TNS1: variants seen among roughly 807,000 people sequenced by gnomAD.
TNS1 encodes the protein tensin 1, also known as tensin-1.
In TNS1, 62 loss-of-function variants were observed where a neutral mutation model predicts 168.6. That is an observed-to-expected ratio of 0.37 (90% CI 0.30 to 0.45). The LOEUF (loss-of-function observed/expected upper bound fraction) is 0.45. TNS1 is among the 20% of genes least tolerant of loss of function. TNS1 has a pLI of 1.00. For synonymous variants in TNS1, 934 were observed against 933.2 expected, an observed-to-expected ratio of 1.00 and a Z score of -0.02; for missense variants, 2,240 against 2,339.4, an observed-to-expected ratio of 0.96 and a Z score of 0.88.
upstream of TNS1, among the ~76,000 whole-genome samples, chr2:218,004,389 G>C (rs369789534): frequency 6.6e-6 from 1 of 152,050 alleles, no homozygotes; most frequent in African/African-American, 2.4e-5. Context: ...CTCACCCAAG[G>C]CCATGCCATG....
intron 18 of TNS1, among the ~76,000 whole-genome samples, chr2:217,857,419 G>A (rs1188825040): frequency 2.0e-5 from 3 of 152,190 alleles, no homozygotes; most frequent in African/African-American, 7.2e-5. Flanking sequence ...CTGCTTCAAG[G>A]TGAAGATGGC....
chr2:217,845,468 T>G (rs1228656183), intron 19 of TNS1, among the ~76,000 whole-genome samples: 2 of 152,218 alleles, frequency 1.3e-5, no homozygotes, highest in Non-Finnish European at 2.9e-5. Flanking sequence ...CAGGACCTGC[T>G]GACATAAATT....
intron 1 of TNS1, among the ~76,000 whole-genome samples, chr2:218,028,686 G>A (rs1958868989): frequency 6.6e-6 from 1 of 152,218 alleles, no homozygotes; most frequent in Non-Finnish European, 1.5e-5. Context: ...TATCCTTGGG[G>A]TAGATTTGCA....
At chr2:217,879,421 C>A in intron 18 of TNS1, 1 of 454,090 alleles carries the variant, frequency 2.2e-6, no homozygotes, top group Non-Finnish European at 4.4e-6. Context: ...GGCCGCTCAG[C>A]GCCCGGGGAT....
At chr2:217,909,938 A>G (rs978667375) in intron 4 of TNS1, among the ~76,000 whole-genome samples, 1 of 152,214 alleles carries the variant, frequency 6.6e-6, no homozygotes, top group South Asian at 2.1e-4. Flanking sequence ...TAAAGCACAT[A>G]AAGCACTTAG....
At chr2:217,875,019 T>C (rs1401944610) in intron 18 of TNS1, among the ~76,000 whole-genome samples, 2 of 152,188 alleles carry the variant, frequency 1.3e-5, no homozygotes, top group African/African-American at 4.8e-5. Flanking sequence ...CCTTTGAAGC[T>C]AGGCATGGGT....
intron 3 of TNS1, among the ~76,000 whole-genome samples, chr2:217,930,943 C>T (rs943015732): frequency 6.6e-6 from 1 of 152,060 alleles, no homozygotes; most frequent in Non-Finnish European, 1.5e-5. Flanking sequence ...AAGAGCTGCT[C>T]AAGGAAAGGG....
Position 217,945,082 on chromosome 2 carries a change from G to A in TNS1, c.187-24846C>T, listed in dbSNP as rs545776469. 2.0e-5 allele frequency among the ~76,000 whole-genome samples: 3 copies of A among 152,302 alleles called. No homozygotes were observed. In the South Asian group the frequency reaches 6.2e-4, roughly 32 times the overall value. On this transcript the variant is annotated intron_variant, in intron 3 of 32. Transcript: ENST00000682258. ...GACTTGTGGAAGTCCAAGCAGGACT[G>A]TGCGGAGGACCTCACACCTGAACCT...
At chr2:217,922,364 A>G (rs1955767836) in intron 3 of TNS1, among the ~76,000 whole-genome samples, 1 of 152,042 alleles carries the variant, frequency 6.6e-6, no homozygotes, top group East Asian at 1.9e-4. Flanking sequence ...CTCTGTCACC[A>G]TGGGTCCCTC....
intron 3 of TNS1, among the ~76,000 whole-genome samples, chr2:217,940,279 TGGAG>T (rs1559377944): frequency 2.0e-5 from 3 of 152,224 alleles, no homozygotes; most frequent in Non-Finnish European, 4.4e-5. Flanking sequence ...TTGCTTTATT[TGGAG>T]GCTGGTAACT....
At chr2:217,810,409 G>C in intron 28 of TNS1, 90 bp from the exon 29 acceptor site, 1 of 1,282,320 alleles carries the variant, frequency 7.8e-7, no homozygotes. Flanking sequence ...GCAACTCTTT[G>C]GCAGAAGGAA....
upstream of TNS1, among the ~76,000 whole-genome samples, chr2:218,014,889 AAGGAAGGAAGG>A (rs1444245202): frequency 6.7e-6 from 1 of 149,424 alleles, no homozygotes. Flanking sequence ...GGAAGGAAGG[AAGGAAGGAAGG>A]AAGGAAGGAA....
chr2:218,007,393 A>C (rs1364524647), upstream of TNS1, among the ~76,000 whole-genome samples: 3 of 152,198 alleles, frequency 2.0e-5, no homozygotes, highest in Non-Finnish European at 4.4e-5. Context: ...TCACACAGCT[A>C]GTATGATGTG....
At chr2:217,927,035 C>T (rs760714962) in intron 3 of TNS1, among the ~76,000 whole-genome samples, 6 of 152,198 alleles carry the variant, frequency 3.9e-5, no homozygotes, top group Non-Finnish European at 7.3e-5. Context: ...GGATGCATTG[C>T]TTCTGTTTAT....
intron 23 of TNS1, 22 bp downstream of exon 23, chr2:217,821,718 C>T (rs1212089184): frequency 7.1e-7 from 1 of 1,413,788 alleles, no homozygotes; most frequent in East Asian, 2.8e-5. Context: ...CATCCCCCAC[C>T]CACTGCCCCT....
rs1176029780 is a variant in TNS1 at position 217,809,545 on chromosome 2, A to G, written c.5273+278T>C. On this transcript the variant is annotated intron_variant, in intron 30 of 32. Coordinates refer to ENST00000682258, the MANE Select transcript of TNS1 (RefSeq NM_001387777.1). ...GATAGGTGCATGGATGGATGCATGG[A>G]TGGATGGATGGATGGATGGATGGAT... 7.5e-4 allele frequency among the ~76,000 whole-genome samples: 62 copies of G among 83,140 alleles called. 16 individuals carry two copies. Among genetic ancestry groups the G allele is most frequent in the African/African-American group, 2.2e-3 (34 of 15,116 alleles). The allele number at this position is 83,140 out of a possible 152,430, so 54.5% of individuals were successfully genotyped here.
chr2:217,940,714 C>CCTCT (rs1300422853), intron 3 of TNS1, among the ~76,000 whole-genome samples: 1 of 152,098 alleles, frequency 6.6e-6, no homozygotes, highest in African/African-American at 2.4e-5. Flanking sequence ...ACTGTGTCAC[C>CCTCT]CTCTCTGGTC....
chr2:218,027,160 A>C (rs1374055211), intron 1 of TNS1, among the ~76,000 whole-genome samples: 1 of 151,984 alleles, frequency 6.6e-6, no homozygotes, highest in Non-Finnish European at 1.5e-5. Context: ...CCATGTGAGG[A>C]CACCCACCAG....
In TNS1 at chr2:217,818,359, G is replaced by T. The variant is rs770030341; in HGVS notation, c.3973C>A (p.Pro1325Thr). The T allele has an allele frequency of 6.2e-7, 1 of 1,614,186 alleles. No homozygotes were observed. Among genetic ancestry groups the T allele is most frequent in the South Asian group, 1.1e-5 (1 of 91,082 alleles). ...SLSHHQMMGP[P>T]GTGFHGSTVS... ...GTGCTACCATGGAAGCCAGTGCCTG[G>T]TGGACCCATCATCTGGTGATGGCTC... is the stretch of plus-strand genomic sequence containing the variant. Residue 1325 changes from proline to threonine, a missense_variant, in exon 24 of 33, where the codon CCA becomes ACA. Coordinates refer to ENST00000682258, the MANE Select transcript of TNS1 (RefSeq NM_001387777.1).
Sources: allele counts gnomAD v4.1 joint callset (sites outside exome capture counted in the v4.1 genomes callset), GRCh38; gene constraint gnomAD v4.1.1; transcripts MANE v1.5; gene names NCBI Gene and HGNC (gene_info 2026-07-23, HGNC 2026-07-21).